The following CLASP1 variants were observed in gnomAD, a reference collection of about 807,000 sequenced individuals.
CLASP1 encodes cytoplasmic linker associated protein 1.
In CLASP1, 38 loss-of-function variants were observed where a neutral mutation model predicts 192.3. The observed-to-expected ratio is 0.20, with a 90% CI of 0.15 to 0.26. The LOEUF (loss-of-function observed/expected upper bound fraction) is 0.26, where lower values mean the gene tolerates loss of function less well. Ranked by LOEUF, CLASP1 falls within the 10% of genes least tolerant of loss-of-function variation. The probability of loss-of-function intolerance (pLI) is 1.00; values close to 1 mark genes in which losing one functional copy is unlikely to be tolerated. For missense variants in CLASP1, 1,433 were observed against 1,932.5 expected (o/e 0.74, Z 4.85); for synonymous variants, 691 against 712.8 (o/e 0.97, Z 0.49).
intron 37 of CLASP1, 133 bp from the exon 39 acceptor site, chr2:121,348,851 T>C: frequency 1.2e-6 from 1 of 820,118 alleles, no homozygotes; most frequent in African/African-American, 1.7e-5. Context: ...TTCGCCTGGC[T>C]CAATTGTTAA....
chr2:121,510,878 A>G (rs1468568175), intron 7 of CLASP1, among the ~76,000 whole-genome samples: 1 of 152,128 alleles, frequency 6.6e-6, no homozygotes, highest in African/African-American at 2.4e-5. Context: ...TGAACCAAGA[A>G]AGAAAAGGCC....
At chr2:121,339,013 T>C (rs1300952525) in exon 40 of CLASP1, 1 of 152,590 alleles carries the variant, frequency 6.6e-6, no homozygotes, top group Non-Finnish European at 1.5e-5. Flanking sequence ...TCCTGCTATA[T>C]TTTGAGCCAA....
intron 18 of CLASP1, among the ~76,000 whole-genome samples, chr2:121,447,958 G>A (rs900005184): frequency 6.6e-6 from 1 of 152,172 alleles, no homozygotes; most frequent in Non-Finnish European, 1.5e-5. Flanking sequence ...ACGCCACCAA[G>A]ATGTCTTCAC....
At chr2:121,351,080 C>T (rs568661685) in intron 37 of CLASP1, among the ~76,000 whole-genome samples, 4 of 152,314 alleles carry the variant, frequency 2.6e-5, no homozygotes, top group African/African-American at 9.6e-5. Flanking sequence ...GAGCAGGCCG[C>T]ACCTCATTCG....
chr2:121,399,916 A>C (rs975791238), intron 28 of CLASP1, among the ~76,000 whole-genome samples: 1 of 152,170 alleles, frequency 6.6e-6, no homozygotes, highest in African/African-American at 2.4e-5. Context: ...ATTCTCAAAT[A>C]TGTTGCCCAA....
chr2:121,391,650 C>G (rs1214401140), intron 30 of CLASP1, among the ~76,000 whole-genome samples: 1 of 152,164 alleles, frequency 6.6e-6, no homozygotes, highest in Non-Finnish European at 1.5e-5. Flanking sequence ...CTGTAATAAT[C>G]CCAGCACTTT....
At chr2:121,343,511 G>T (rs75405521) in intron 39 of CLASP1, among the ~76,000 whole-genome samples, 16 of 152,188 alleles carry the variant, frequency 1.1e-4, no homozygotes, top group African/African-American at 3.9e-4. Flanking sequence ...TCTGACAAAT[G>T]CTGCAACATG....
At chr2:121,382,416 CTCT>C in intron 32 of CLASP1, 92 bp from the exon 34 acceptor site, 1 of 728,324 alleles carries the variant, frequency 1.4e-6, no homozygotes, top group Non-Finnish European at 2.2e-6. Flanking sequence ...GTGTCTTAGT[CTCT>C]TCTTTCCTTG....
intron 1 of CLASP1, among the ~76,000 whole-genome samples, chr2:121,613,209 A>C (rs1341969313): frequency 1.3e-5 from 2 of 152,078 alleles, no homozygotes; most frequent in African/African-American, 4.8e-5. Context: ...CCAAACCCAA[A>C]CCCCTTTCAT....
intron 1 of CLASP1, among the ~76,000 whole-genome samples, chr2:121,630,975 T>C (rs2069465132): frequency 6.6e-6 from 1 of 151,164 alleles, no homozygotes. Context: ...CTGGCTAACA[T>C]GGTGAAACCC....
At chr2:121,451,930 A>G in intron 14 of CLASP1, 81 bp from the exon 15 acceptor site, 1 of 895,234 alleles carries the variant, frequency 1.1e-6, no homozygotes. Flanking sequence ...AAGTGACCCA[A>G]TACTATTTTT....
rs974755217 is a variant in CLASP1 at position 121,593,173 on chromosome 2, T to A, written c.195+12528A>T. On this transcript the variant is annotated intron_variant, in intron 2 of 39. Transcript: ENST00000263710. The stretch of plus-strand genomic sequence containing the variant: ...CCGATGTGAGGCACTGAGAAGGATA[T>A]GTCACATCTACAGTATTCCTGCCAA... Among the ~76,000 whole-genome samples, 11 of 152,338 alleles carry A rather than the reference T, an allele frequency of 7.2e-5. No individual in the cohort carries two copies. The South Asian group carries it at 1.9e-3, about 26-fold the overall frequency.
chr2:121,356,957 G>T (rs778990260), intron 37 of CLASP1, among the ~76,000 whole-genome samples: 1 of 102,348 alleles, frequency 9.8e-6, no homozygotes, highest in Non-Finnish European at 1.7e-5. Flanking sequence ...TGGAGATGCT[G>T]CAGAGGCTGG....
intron 35 of CLASP1, among the ~76,000 whole-genome samples, chr2:121,366,511 G>A (rs193140799): frequency 9.2e-5 from 14 of 152,110 alleles, no homozygotes; most frequent in Non-Finnish European, 1.5e-4. Context: ...TTTGTGCCCC[G>A]ACTGGATCTG....
At chr2:121,479,769 T>C (rs1173836468) in intron 8 of CLASP1, among the ~76,000 whole-genome samples, 1 of 152,140 alleles carries the variant, frequency 6.6e-6, no homozygotes, top group East Asian at 1.9e-4. Flanking sequence ...TACCACTCTG[T>C]ACAAAAAATC....
At chr2:121,451,135 A>G (rs2085387654) in intron 15 of CLASP1, 145 bp from the exon 16 acceptor site, 1 of 612,342 alleles carries the variant, frequency 1.6e-6, no homozygotes. Context: ...GTGGCTGGGC[A>G]AAGCACGGCA....
intron 2 of CLASP1, among the ~76,000 whole-genome samples, chr2:121,545,542 G>T (rs1294812519): frequency 6.6e-6 from 1 of 152,014 alleles, no homozygotes; most frequent in Non-Finnish European, 1.5e-5. Context: ...TCGTGCTGTA[G>T]AAATCTGGTC....
exon 2 of CLASP1, chr2:121,606,005 G>T: frequency 2.2e-6 from 2 of 893,018 alleles, no homozygotes; most frequent in Non-Finnish European, 3.4e-6. Context: ...GTTACTAAGA[G>T]CCTGTGTTTC....
At chr2:121,638,939 G>A (rs1015052824) in intron 1 of CLASP1, among the ~76,000 whole-genome samples, 21 of 152,026 alleles carry the variant, frequency 1.4e-4, no homozygotes, top group African/African-American at 3.9e-4. Flanking sequence ...CAAATGCTGG[G>A]ATTACAGGCA....
Sources: allele counts gnomAD v4.1 joint callset (sites outside exome capture counted in the v4.1 genomes callset), GRCh38; gene constraint gnomAD v4.1.1; transcripts MANE v1.5; gene names NCBI Gene and HGNC (gene_info 2026-07-23, HGNC 2026-07-21).